CDH20: variants seen among roughly 807,000 people sequenced by gnomAD.
CDH20 encodes the protein cadherin-20.
A neutral mutation model predicts 74.2 loss-of-function variants in CDH20; 29 were observed. That is an observed-to-expected ratio of 0.39 (90% CI 0.29 to 0.53). The LOEUF (loss-of-function observed/expected upper bound fraction) is 0.53. Ranked by LOEUF, CDH20 falls within the 20% of genes least tolerant of loss-of-function variation. CDH20 has a pLI of 0.69. For synonymous variants in CDH20, 469 were observed against 405.4 expected (o/e 1.16, Z -1.88); for missense variants, 988 against 1,048.3 (o/e 0.94, Z 0.79).
intron 1 of CDH20, chr18:61,404,750 G>A: frequency 3.0e-6 from 1 of 333,030 alleles, no homozygotes; most frequent in East Asian, 7.6e-5. Flanking sequence ...CTTTTCCTTG[G>A]CAGTTAAAAA....
intron 1 of CDH20, among the ~76,000 whole-genome samples, chr18:61,424,766 T>C (rs1406113129): frequency 6.6e-6 from 1 of 152,230 alleles, no homozygotes; most frequent in Non-Finnish European, 1.5e-5. Context: ...CCTCTGCTAA[T>C]AAAATTTTAA....
Position 61,341,191 on chromosome 18 carries a change from T to C in CDH20, c.-153+7364T>C, listed in dbSNP as rs184971770. On this transcript the variant is annotated intron_variant, in intron 1 of 11. Coordinates refer to ENST00000262717, the MANE Select transcript of CDH20 (RefSeq NM_031891.4). ...AAAATCCCATAGACTTGGCAACTAA[T>C]AACAGAAATTTATTTTTCATGGTCC... Among the ~76,000 whole-genome samples, 52 of 152,272 alleles carry C rather than the reference T, an allele frequency of 3.4e-4. 1 individual carries two copies. Among genetic ancestry groups the C allele is most frequent in the Admixed American group, 2.4e-3 (36 of 15,288 alleles).
intron 1 of CDH20, among the ~76,000 whole-genome samples, chr18:61,345,176 ATTT>A (rs386803967): frequency 1.2e-3 from 181 of 152,340 alleles, no homozygotes; most frequent in African/African-American, 4.1e-3. Context: ...ACTGTTCAGC[ATTT>A]GCTTTCTAAA....
At chr18:61,490,358 A>G (rs1160203686) in intron 1 of CDH20, 44 bp from the exon 2 acceptor site, 2 of 553,232 alleles carry the variant, frequency 3.6e-6, no homozygotes, top group Non-Finnish European at 3.2e-6. Flanking sequence ...CGCCTGCAGG[A>G]AAGAATCTGA....
At chr18:61,402,674 C>A (rs1003866215) in intron 1 of CDH20, among the ~76,000 whole-genome samples, 8 of 152,116 alleles carry the variant, frequency 5.3e-5, no homozygotes, top group Non-Finnish European at 7.3e-5. Flanking sequence ...CATTAGGGTA[C>A]CATTTAGAAA....
chr18:61,402,448 GA>G (rs1474523569), intron 1 of CDH20, among the ~76,000 whole-genome samples: 2 of 152,086 alleles, frequency 1.3e-5, no homozygotes, highest in African/African-American at 4.8e-5. Flanking sequence ...AAAAAAAAAG[GA>G]AATTGACTAG....
intron 11 of CDH20, among the ~76,000 whole-genome samples, chr18:61,551,616 T>C (rs372321033): frequency 6.6e-6 from 1 of 152,206 alleles, no homozygotes; most frequent in African/African-American, 2.4e-5. Context: ...CTTGGATCCC[T>C]GTGTCAAGAG....
At chr18:61,460,696 A>G (rs1331776714) in intron 1 of CDH20, among the ~76,000 whole-genome samples, 1 of 152,190 alleles carries the variant, frequency 6.6e-6, no homozygotes, top group Non-Finnish European at 1.5e-5. Flanking sequence ...TGGTCTCAAA[A>G]TAAATTTGAG....
At position 61,388,971 on chromosome 18, in the gene CDH20, G is replaced by A. The variant is rs150189375; in HGVS notation, c.-153+55144G>A. Among the ~76,000 whole-genome samples the A allele has an allele frequency of 9.3e-4, 141 of 152,256 alleles. 2 individuals carry two copies. The East Asian group carries it at 0.024, about 26-fold the overall frequency. On this transcript the variant is annotated intron_variant, in intron 1 of 11. Coordinates refer to ENST00000262717, the MANE Select transcript of CDH20 (RefSeq NM_031891.4). ...ATCACATCAGGTAGCACATGCCATC[G>A]TTTATGCAATTCTTAAAGACCTTAG...
intron 1 of CDH20, among the ~76,000 whole-genome samples, chr18:61,422,139 C>T (rs12607865): frequency 0.13 from 20,183 of 152,078 alleles, 1,485 homozygotes; most frequent in East Asian, 0.22. Context: ...ATGAAATTCA[C>T]GGTTCTTTAG....
rs1347603469 is a variant in CDH20 at position 61,507,365 on chromosome 18, C to T, written c.830-8C>T. 6.2e-7 allele frequency: 1 copy of T among 1,608,430 alleles called. No homozygotes were observed. The highest frequency in any genetic ancestry group is 1.1e-5 in the South Asian group (1 of 89,432). On this transcript the variant is annotated splice_region_variant and splice_polypyrimidine_tract_variant and intron_variant, in intron 5 of 11. Transcript: ENST00000262717. Reference sequence around the variant, plus strand: ...ATCAAGAATGCGTGTCCTGGCTTTTCTTCGTAGAACATTACCAGATGAGTG... The same window carrying T: ...ATCAAGAATGCGTGTCCTGGCTTTTTTTCGTAGAACATTACCAGATGAGTG...
intron 1 of CDH20, among the ~76,000 whole-genome samples, chr18:61,372,526 T>A (rs2144159584): frequency 6.6e-6 from 1 of 152,286 alleles, no homozygotes. Context: ...GAACCTCTAA[T>A]TCTGACCAGA....
At chr18:61,491,755 T>C (rs1174613299) in intron 2 of CDH20, among the ~76,000 whole-genome samples, 3 of 152,118 alleles carry the variant, frequency 2.0e-5, no homozygotes, top group South Asian at 4.2e-4. Context: ...TGTGTTTTCA[T>C]TGCTTCTCAA....
chr18:61,429,108 G>A (rs1168758368), intron 1 of CDH20, among the ~76,000 whole-genome samples: 4 of 152,112 alleles, frequency 2.6e-5, no homozygotes, highest in African/African-American at 9.7e-5. Flanking sequence ...ATTTCTGAGA[G>A]GTGTGGGAGT....
At chr18:61,512,736 A>G (rs896004024) in intron 6 of CDH20, among the ~76,000 whole-genome samples, 2 of 151,812 alleles carry the variant, frequency 1.3e-5, no homozygotes, top group African/African-American at 4.9e-5. Flanking sequence ...GAACATCTTT[A>G]TTTCTGCCTT....
intron 1 of CDH20, among the ~76,000 whole-genome samples, chr18:61,466,555 C>A (rs1455039585): frequency 6.6e-6 from 1 of 152,126 alleles, no homozygotes; most frequent in Non-Finnish European, 1.5e-5. Flanking sequence ...GTGTTCGAAA[C>A]AATCTAGGGG....
chr18:61,535,345 T>C (rs1261509562), intron 7 of CDH20, among the ~76,000 whole-genome samples: 2 of 151,912 alleles, frequency 1.3e-5, no homozygotes, highest in African/African-American at 2.4e-5. Flanking sequence ...AAAATAAAAA[T>C]GATAAAAATT....
At chr18:61,442,703 CA>C (rs952816190) in intron 1 of CDH20, among the ~76,000 whole-genome samples, 5 of 152,212 alleles carry the variant, frequency 3.3e-5, no homozygotes, top group Non-Finnish European at 7.4e-5. Context: ...TTAGAGGGAG[CA>C]GTGAAAGGAG....
intron 1 of CDH20, among the ~76,000 whole-genome samples, chr18:61,369,802 G>A (rs927750389): frequency 6.6e-6 from 1 of 151,996 alleles, no homozygotes; most frequent in Non-Finnish European, 1.5e-5. Flanking sequence ...CTTAGCAAAC[G>A]AATGCAGGAA....
Sources: allele counts gnomAD v4.1 joint callset (sites outside exome capture counted in the v4.1 genomes callset), GRCh38; gene constraint gnomAD v4.1.1; transcripts MANE v1.5; gene names NCBI Gene and HGNC (gene_info 2026-07-23, HGNC 2026-07-21).